The following ENO1 variants were observed in gnomAD, a reference collection of about 807,000 sequenced individuals.
ENO1 encodes the protein enolase 1, also known as alpha-enolase.
ENO1 carries 33 observed loss-of-function variants against 46.3 expected under a neutral mutation model. The ratio of observed to expected loss-of-function variants is 0.71; its 90% CI spans 0.54 to 0.95. The LOEUF (loss-of-function observed/expected upper bound fraction) is 0.95. Among genes scored for constraint, ENO1 ranks in the 40% least tolerant of loss-of-function variants. ENO1 has a pLI of 0.00. For synonymous variants in ENO1, 220 were observed against 216.0 expected (o/e 1.02, Z -0.16); for missense variants, 488 against 553.3 (o/e 0.88, Z 1.18).
chr1:8,868,209 T>C (rs1642563855), intron 4 of ENO1, 152 bp from the exon 5 acceptor site: 1 of 682,758 alleles, frequency 1.5e-6, no homozygotes, highest in South Asian at 1.8e-5. Flanking sequence ...AGGACAAAAA[T>C]CAGTGGGGAG....
chr1:8,865,278 C>G lies in ENO1; in HGVS notation c.865+7G>C, dbSNP rs144232744. Reference sequence around the variant, plus strand: ...GGAAAGGGAGATGGCACTCGGGGAACACTCACCTGGGTAGTCCTTGATGAA... The same window carrying G: ...GGAAAGGGAGATGGCACTCGGGGAAGACTCACCTGGGTAGTCCTTGATGAA... On this transcript the variant is annotated splice_region_variant and intron_variant, in intron 8 of 11. Transcript: ENST00000234590. The G allele has an allele frequency of 1.6e-4, 263 of 1,613,658 alleles. No homozygotes were observed. The African/African-American group carries it at 3.2e-3, about 20-fold the overall frequency.
intron 11 of ENO1, 109 bp downstream of exon 11, chr1:8,862,778 T>A: frequency 7.9e-7 from 1 of 1,269,090 alleles, no homozygotes; most frequent in Non-Finnish European, 1.1e-6. Flanking sequence ...CACCTGCACC[T>A]GTACATGTTC....
intron 8 of ENO1, 75 bp from the exon 9 acceptor site, chr1:8,864,167 C>T: frequency 6.6e-7 from 1 of 1,504,652 alleles, no homozygotes; most frequent in African/African-American, 1.4e-5. Flanking sequence ...GCCTTGCTTC[C>T]CCCTTGACTT....
chr1:8,870,824 C>T (rs1231027910), intron 3 of ENO1: 86 of 1,368,686 alleles, frequency 6.3e-5, no homozygotes, highest in Non-Finnish European at 7.9e-5. Flanking sequence ...CAATCAGTTA[C>T]CTGAGTGCAC....
At position 8,874,804 on chromosome 1, in the gene ENO1, AC is replaced by A. The variant is rs1379368690; in HGVS notation, c.85+19del. On this transcript the variant is annotated intron_variant, in intron 2 of 11. Transcript: ENST00000234590. ...AAGCACGGTGGAAGGAACCATGGAA[AC>A]CAAGGAGGTGGCACATACCTTTTGA... The A allele has an allele frequency of 1.2e-6, 2 of 1,604,906 alleles. No individual in the cohort carries two copies. The highest frequency in any genetic ancestry group is 3.4e-5 in the Admixed American group (2 of 58,564).
intron 1 of ENO1, among the ~76,000 whole-genome samples, chr1:8,876,489 T>C (rs1205765710): frequency 6.6e-6 from 1 of 152,214 alleles, no homozygotes; most frequent in Non-Finnish European, 1.5e-5. Flanking sequence ...AATATCCCCC[T>C]GCCCCATCTC....
chr1:8,863,564 C>T (rs1235859026), intron 9 of ENO1, among the ~76,000 whole-genome samples: 1 of 152,194 alleles, frequency 6.6e-6, no homozygotes, highest in African/African-American at 2.4e-5. Flanking sequence ...ATAGTTGAAA[C>T]ACTGGGTTCA....
chr1:8,862,618 A>AG (rs754376723), intron 11 of ENO1, among the ~76,000 whole-genome samples: 7 of 152,228 alleles, frequency 4.6e-5, no homozygotes, highest in African/African-American at 7.2e-5. Flanking sequence ...CAGCTGTCAA[A>AG]GGGGGTCCCA....
chr1:8,867,330 G>A (rs1642542498), intron 5 of ENO1, 80 bp from the exon 6 acceptor site: 4 of 1,566,430 alleles, frequency 2.6e-6, no homozygotes, highest in Non-Finnish European at 3.5e-6. Flanking sequence ...CCTGAGGGTT[G>A]TATTCTGCAC....
At chr1:8,863,781 C>T (rs992637435) in intron 9 of ENO1, 110 bp downstream of exon 9, 17 of 1,231,924 alleles carry the variant, frequency 1.4e-5, no homozygotes, top group South Asian at 4.9e-5. Context: ...AAAATTCCAG[C>T]GAGTCCTACA....
At position 8,865,621 on chromosome 1, in the gene ENO1, CT is replaced by C. The variant is rs901069001; in HGVS notation, c.668-140del. 49 of 806,122 alleles carry C rather than the reference CT, an allele frequency of 6.1e-5. No homozygotes were observed. The Admixed American group carries it at 1.1e-3, about 19-fold the overall frequency. The allele number at this position is 806,122 out of a possible 1,614,324, so 49.9% of individuals were successfully genotyped here. ...CAACCAGTAGTTCTGACATCAGTTA[CT>C]TTTTTTCTGCTTTGGGGCAAGAAAC... On this transcript the variant is annotated intron_variant, in intron 7 of 11. Transcript: ENST00000234590.
intron 5 of ENO1, 99 bp from the exon 6 acceptor site, chr1:8,867,349 C>T (rs1383522088): frequency 1.8e-5 from 26 of 1,469,398 alleles, no homozygotes; most frequent in African/African-American, 2.8e-5. Context: ...ACCATCTCCT[C>T]CCCCATCACA....
rs764566020 is a variant in ENO1, at chr1:8,865,313, C to T, written c.837G>A (p.Leu279=). ...GGTAGTCCTTGATGAAGGACTTGTA[C>T]AGGTCAGCCAGCTGGTCAGGCGAGA... ...RYISPDQLAD[L]YKSFIKDYPV... Residue 279 remains leucine (L), a synonymous_variant, in exon 8 of 12, where the codon CTG becomes CTA. Transcript: ENST00000234590. 5.6e-6 allele frequency: 9 copies of T among 1,614,046 alleles called. No individual in the cohort carries two copies. The highest frequency in any genetic ancestry group is 1.3e-5 in the African/African-American group (1 of 74,910).
In ENO1 at chr1:8,878,680, AG is replaced by A. The variant is rs1227871499; in HGVS notation, c.-111del. 1 of 455,938 alleles carries A rather than the reference AG, an allele frequency of 2.2e-6. No homozygotes were observed. The highest frequency in any genetic ancestry group is 4.4e-6 in the Non-Finnish European group (1 of 226,804). The allele number at this position is 455,938 out of a possible 1,614,324, so 28.2% of individuals were successfully genotyped here. On this transcript the variant is annotated 5_prime_UTR_variant, in exon 1 of 12. Coordinates refer to ENST00000234590, the MANE Select transcript of ENO1 (RefSeq NM_001428.5). ...AGATCTCCGTGCTCCGGGTACCCAC[AG>A]ATACTGTCCGCGCCGCCCGCGCCGA...
chr1:8,873,060 G>A lies in ENO1; in HGVS notation c.86-1074C>T, dbSNP rs191394808. ...TGTTCCCTGCTGCACTGCAGTGTGCGCTATCAACAGGTCATACTTCCTTCT... is the reference window on the plus strand; with the variant it reads ...TGTTCCCTGCTGCACTGCAGTGTGCACTATCAACAGGTCATACTTCCTTCT... On this transcript the variant is annotated intron_variant, in intron 2 of 11. Transcript: ENST00000234590. 5.7e-4 allele frequency among the ~76,000 whole-genome samples: 87 copies of A among 152,300 alleles called. 2 individuals carry two copies. Among genetic ancestry groups the A allele is most frequent in the African/African-American group, 2.0e-3 (83 of 41,560 alleles).
At chr1:8,874,591 A>AAG (rs1553156815) in intron 2 of ENO1, among the ~76,000 whole-genome samples, 1 of 149,050 alleles carries the variant, frequency 6.7e-6, no homozygotes, top group East Asian at 1.9e-4. Context: ...AAAAAAAAAA[A>AAG]AAAAAAAAAG....
At chr1:8,870,955 TGA>T (rs1476253217) in intron 3 of ENO1, 6 of 1,247,754 alleles carry the variant, frequency 4.8e-6, no homozygotes, top group Non-Finnish European at 6.0e-6. Flanking sequence ...GGACTGCGAG[TGA>T]GAGACAGTGA....
At position 8,863,739 on chromosome 1, in the gene ENO1, A is replaced by G. The variant is rs1642452359; in HGVS notation, c.1067+152T>C. 3.4e-5 allele frequency: 31 copies of G among 902,042 alleles called. No individual in the cohort carries two copies. In the South Asian group the frequency reaches 4.6e-4, roughly 13 times the overall value. 55.9% of individuals were successfully genotyped at this position (902,042 alleles called of 1,614,324 possible). A position where few individuals can be genotyped will look rare whatever the true frequency, so the allele number is the denominator to read the frequency against. On this transcript the variant is annotated intron_variant, in intron 9 of 11. Transcript: ENST00000234590. Reference sequence around the variant, plus strand: ...TTACAGGCCCCAATTGTTTAATTTAAAAGGCTCCTGAGTTCAAACACAAAA... The same window carrying G: ...TTACAGGCCCCAATTGTTTAATTTAGAAGGCTCCTGAGTTCAAACACAAAA...
chr1:8,867,774 C>CCAGCCACCG (rs1183662111), intron 5 of ENO1, among the ~76,000 whole-genome samples: 1 of 152,134 alleles, frequency 6.6e-6, no homozygotes, highest in Non-Finnish European at 1.5e-5. Context: ...TCGTGATCCA[C>CCAGCCACCG]CTGCCTCAGC....
Sources: allele counts gnomAD v4.1 joint callset (sites outside exome capture counted in the v4.1 genomes callset), GRCh38; gene constraint gnomAD v4.1.1; transcripts MANE v1.5; gene names NCBI Gene and HGNC (gene_info 2026-07-23, HGNC 2026-07-21).